TBC1D12: variants seen among roughly 807,000 people sequenced by gnomAD.
The protein encoded by TBC1D12 is TBC1 domain family member 12.
Under a neutral mutation model 86.7 loss-of-function variants are expected in TBC1D12, and 56 were observed. The observed-to-expected ratio is 0.65, with a 90% confidence interval of 0.52 to 0.81. The LOEUF (loss-of-function observed/expected upper bound fraction) is 0.81, where lower values mean the gene tolerates loss of function less well. Among genes scored for constraint, TBC1D12 ranks in the 30% least tolerant of loss-of-function variants. The pLI is 0.00. For synonymous variants in TBC1D12, 421 were observed against 411.7 expected, an observed-to-expected ratio of 1.02 and a Z score of -0.27; for missense variants, 1,023 against 1,038.8, an observed-to-expected ratio of 0.98 and a Z score of 0.21.
intron 9 of TBC1D12, among the ~76,000 whole-genome samples, chr10:94,515,587 G>C (rs945872725): frequency 6.6e-6 from 1 of 151,896 alleles, no homozygotes; most frequent in African/African-American, 2.4e-5. Context: ...GACCTCAGGC[G>C]ATCCACCCGC....
chr10:94,423,342 C>CTTTTTT (rs71486719), intron 1 of TBC1D12, among the ~76,000 whole-genome samples: 18 of 94,244 alleles, frequency 1.9e-4, no homozygotes, highest in East Asian at 1.1e-3. Flanking sequence ...CATTCACCAT[C>CTTTTTT]TTTTTTTTTT....
At position 94,458,289 on chromosome 10, in the gene TBC1D12, C is replaced by T. The variant is rs528012724; in HGVS notation, c.1095+16270C>T. The stretch of plus-strand genomic sequence containing the variant: ...ATCTGAGCTAGCATGCTTAGCCCCT[C>T]ACCGCATGATGCTCTGCACCACCTC... On this transcript the variant is annotated intron_variant, in intron 2 of 12. Coordinates refer to ENST00000225235, the MANE Select transcript of TBC1D12 (RefSeq NM_015188.2). 1.4e-3 allele frequency among the ~76,000 whole-genome samples: 215 copies of T among 152,240 alleles called. 6 individuals are homozygous for T. The South Asian group carries it at 0.044, about 31-fold the overall frequency.
At chr10:94,482,439 G>C (rs1351623888) in intron 3 of TBC1D12, among the ~76,000 whole-genome samples, 1 of 151,746 alleles carries the variant, frequency 6.6e-6, no homozygotes, top group Admixed American at 6.6e-5. Flanking sequence ...TCAAATACTA[G>C]GTCTTATTCA....
At chr10:94,416,349 A>G (rs2054997626) in intron 1 of TBC1D12, among the ~76,000 whole-genome samples, 1 of 151,980 alleles carries the variant, frequency 6.6e-6, no homozygotes, top group East Asian at 1.9e-4. Flanking sequence ...ACTAATTTGG[A>G]GCTTGGTTTT....
At chr10:94,403,612 G>T in intron 1 of TBC1D12, 28 bp downstream of exon 1, 1 of 1,426,426 alleles carries the variant, frequency 7.0e-7, no homozygotes, top group East Asian at 2.8e-5. Context: ...TGGGACTCGG[G>T]GCGGGTCCGG....
At chr10:94,496,678 T>C (rs1426774439) in intron 4 of TBC1D12, among the ~76,000 whole-genome samples, 1 of 152,180 alleles carries the variant, frequency 6.6e-6, no homozygotes, top group Non-Finnish European at 1.5e-5. Context: ...CTTACTTTTA[T>C]AGTAGAACAG....
intron 3 of TBC1D12, among the ~76,000 whole-genome samples, chr10:94,484,115 G>A (rs1414394420): frequency 6.6e-6 from 1 of 152,020 alleles, no homozygotes; most frequent in Non-Finnish European, 1.5e-5. Context: ...TTGTTTCTGG[G>A]TTCTCTGTTC....
chr10:94,431,372 A>G (rs1408583305), intron 1 of TBC1D12, among the ~76,000 whole-genome samples: 6 of 151,424 alleles, frequency 4.0e-5, no homozygotes, highest in Non-Finnish European at 7.4e-5. Flanking sequence ...CCAAGATTGC[A>G]CCATTGCACT....
At chr10:94,440,884 G>C (rs1322979485) in intron 1 of TBC1D12, among the ~76,000 whole-genome samples, 1 of 152,154 alleles carries the variant, frequency 6.6e-6, no homozygotes, top group Non-Finnish European at 1.5e-5. Context: ...CTTGTGCAGG[G>C]TGCACAATGA....
At chr10:94,408,093 C>T (rs1263501438) in intron 1 of TBC1D12, among the ~76,000 whole-genome samples, 2 of 152,010 alleles carry the variant, frequency 1.3e-5, no homozygotes, top group Non-Finnish European at 2.9e-5. Context: ...GTTTTTAGGC[C>T]ATTTAATAGT....
Position 94,402,763 on chromosome 10 carries a change from GGAGGCTGACGAGGAGGAGGAGGCTGAC to G in TBC1D12, c.155_181del (p.Ala52_Glu60del). 1 of 1,530,968 alleles carries G rather than the reference GGAGGCTGACGAGGAGGAGGAGGCTGAC, an allele frequency of 6.5e-7. No individual in the cohort carries two copies. Among genetic ancestry groups the G allele is most frequent in the Non-Finnish European group, 8.8e-7 (1 of 1,136,192 alleles). The allele number at this position is 1,530,968 out of a possible 1,614,324, so 94.8% of individuals were successfully genotyped here. The stretch of plus-strand genomic sequence containing the variant: ...GCGTCGGCGCTGTGGAGCCGCCGGA[GGAGGCTGACGAGGAGGAGGAGGCTGAC>G]GAGGAGGAGGAGACGCCGCCTCGGC... On this transcript the variant is annotated inframe_deletion, in exon 1 of 13. Transcript: ENST00000225235.
In TBC1D12 at chr10:94,511,584, G is replaced by A. The variant is rs960580677; in HGVS notation, c.1691G>A (p.Gly564Asp). ...CAAATTTCATTTTTCTCTCCTAAGG[G>A]TGGTCCATATCATGATGTCTTGCAT... ...TFPSLYIFQK[G>D]GPYHDVLHSI... The change falls in exon 9 of 13, where the codon GGT becomes GAT. Residue 564 changes from glycine (G) to aspartate (D), a missense_variant and splice_region_variant. By Grantham distance (94) the Gly-to-Asp change is moderately conservative. Around this residue, in one of 2 missense-constraint regions of TBC1D12, gnomAD observed 395 missense variants for 507.7 expected, o/e 0.78. Transcript: ENST00000225235. 3.1e-6 allele frequency: 5 copies of A among 1,605,464 alleles called. No homozygotes were observed. Among genetic ancestry groups the A allele is most frequent in the South Asian group, 1.1e-5 (1 of 90,750 alleles).
chr10:94,460,421 A>C (rs2055707823), intron 2 of TBC1D12, among the ~76,000 whole-genome samples: 1 of 151,942 alleles, frequency 6.6e-6, no homozygotes, highest in African/African-American at 2.4e-5. Context: ...TTCTCTTGGC[A>C]CTTTAAATAT....
rs769709070 is a variant in TBC1D12 at position 94,481,045 on chromosome 10, C to CTTT, written c.1211+6278_1211+6280dup. On this transcript the variant is annotated intron_variant, in intron 3 of 12. Coordinates refer to ENST00000225235, the MANE Select transcript of TBC1D12 (RefSeq NM_015188.2). ...TAAGCAGTGTTGCTTTGAAAGGAAT[C>CTTT]TTTTTTTTTTTTTTTTTTGTGAGCA... Among the ~76,000 whole-genome samples the CTTT allele has an allele frequency of 2.0e-4, 26 of 126,964 alleles. 1 individual carries two copies. The highest frequency in any genetic ancestry group is 3.2e-4 in the African/African-American group (11 of 34,390). The allele number at this position is 126,964 out of a possible 152,430, so 83.3% of individuals were successfully genotyped here. A position where few individuals can be genotyped will look rare whatever the true frequency, so the allele number is the denominator to read the frequency against.
At chr10:94,408,682 TAA>T (rs1272325147) in intron 1 of TBC1D12, among the ~76,000 whole-genome samples, 2 of 152,170 alleles carry the variant, frequency 1.3e-5, no homozygotes, top group Non-Finnish European at 2.9e-5. Context: ...CTCTGTCCTA[TAA>T]GTCTCCCTTA....
At chr10:94,439,247 T>C (rs541531883) in intron 1 of TBC1D12, among the ~76,000 whole-genome samples, 2 of 152,330 alleles carry the variant, frequency 1.3e-5, no homozygotes, top group South Asian at 4.1e-4. Flanking sequence ...ACTTTTTCTT[T>C]TGTAGATCAT....
chr10:94,490,296 T>C (rs1477573941), intron 3 of TBC1D12, among the ~76,000 whole-genome samples: 1 of 151,948 alleles, frequency 6.6e-6, no homozygotes, highest in South Asian at 2.1e-4. Context: ...ATTACTGTAA[T>C]GTGATACAGA....
rs960830355 is a variant in TBC1D12, at chr10:94,534,678, A to C, written c.*1582A>C. 1 of 152,168 alleles carries C rather than the reference A, an allele frequency of 6.6e-6. No homozygotes were observed. The highest frequency in any genetic ancestry group is 6.5e-5 in the Admixed American group (1 of 15,268). 9.4% of individuals were successfully genotyped at this position (152,168 alleles called of 1,614,324 possible). A position where few individuals can be genotyped will look rare whatever the true frequency, so the allele number is the denominator to read the frequency against. ...GTAGATATGAACTTAAATTAAATTG[A>C]CTTATGAATGCTTTGCCTGTGGGCC... On this transcript the variant is annotated 3_prime_UTR_variant, in exon 13 of 13. Transcript: ENST00000225235.
At chr10:94,469,938 A>G (rs1461051408) in intron 2 of TBC1D12, among the ~76,000 whole-genome samples, 1 of 152,162 alleles carries the variant, frequency 6.6e-6, no homozygotes, top group African/African-American at 2.4e-5. Context: ...CCCCTTTGTC[A>G]GGGACTGCAG....
Sources: gnomAD v4.1 joint callset for allele counts (sites outside exome capture counted in the v4.1 genomes callset) on GRCh38, gnomAD v4.1.1 for gene constraint, gnomAD v4.1.1 regional missense constraint, MANE v1.5 for transcripts, NCBI Gene and HGNC (gene_info 2026-07-23, HGNC 2026-07-21) for gene names.